DGKI: variants seen among roughly 807,000 people sequenced by gnomAD.
DGKI encodes DAG kinase iota.
Under a neutral mutation model 147.5 loss-of-function variants are expected in DGKI, and 55 were observed. The observed-to-expected ratio is 0.37, with a 90% CI of 0.30 to 0.47. The LOEUF (loss-of-function observed/expected upper bound fraction) is 0.47, where lower values mean the gene tolerates loss of function less well. Ranked by LOEUF, DGKI falls within the 20% of genes least tolerant of loss-of-function variation. The probability of loss-of-function intolerance (pLI) is 1.00; values close to 1 mark genes in which losing one functional copy is unlikely to be tolerated. For missense variants in DGKI, 1,007 were observed against 1,323.8 expected (o/e 0.76, Z 3.71); for synonymous variants, 469 against 477.1 (o/e 0.98, Z 0.22).
intron 2 of DGKI, among the ~76,000 whole-genome samples, chr7:137,685,078 AC>A (rs1427776907): frequency 3.3e-5 from 5 of 152,160 alleles, no homozygotes; most frequent in South Asian, 4.1e-4. Context: ...TTGTCCCTGA[AC>A]CAAACTGTGA....
At chr7:137,586,228 C>A (rs934660486) in intron 13 of DGKI, among the ~76,000 whole-genome samples, 6 of 151,958 alleles carry the variant, frequency 3.9e-5, no homozygotes, top group Non-Finnish European at 8.8e-5. Flanking sequence ...AGTTTGAGAC[C>A]AGCCTGGCCA....
At chr7:137,591,245 A>G (rs1819599038) in intron 12 of DGKI, among the ~76,000 whole-genome samples, 1 of 152,236 alleles carries the variant, frequency 6.6e-6, no homozygotes, top group Non-Finnish European at 1.5e-5. Context: ...AACCGGATAA[A>G]TAGATTCTTT....
chr7:137,829,720 T>G (rs560819275), intron 1 of DGKI, among the ~76,000 whole-genome samples: 67 of 152,290 alleles, frequency 4.4e-4, no homozygotes, highest in African/African-American at 1.3e-3. Context: ...CTGGATAAGA[T>G]AAGTAATTTT....
At chr7:137,743,640 C>A (rs2116718350) in intron 1 of DGKI, among the ~76,000 whole-genome samples, 1 of 152,102 alleles carries the variant, frequency 6.6e-6, no homozygotes, top group South Asian at 2.1e-4. Flanking sequence ...TAGAAAAGTC[C>A]TAAATTAACA....
intron 21 of DGKI, among the ~76,000 whole-genome samples, chr7:137,499,696 C>G (rs2178148): frequency 0.14 from 20,847 of 152,106 alleles, 2,962 homozygotes; most frequent in African/African-American, 0.37. Context: ...AGATATACCA[C>G]CAGCTCCCCT....
intron 20 of DGKI, among the ~76,000 whole-genome samples, chr7:137,533,796 T>C (rs1585205981): frequency 6.6e-6 from 1 of 152,270 alleles, no homozygotes; most frequent in African/African-American, 2.4e-5. Flanking sequence ...ACTTTCATTT[T>C]ATTTTATTTA....
At chr7:137,535,228 T>C (rs1486540650) in intron 20 of DGKI, among the ~76,000 whole-genome samples, 2 of 152,138 alleles carry the variant, frequency 1.3e-5, no homozygotes, top group Non-Finnish European at 2.9e-5. Context: ...TATAAAAAGA[T>C]ATATAATGGA....
At chr7:137,620,958 G>A (rs911546281) in intron 7 of DGKI, among the ~76,000 whole-genome samples, 4 of 152,110 alleles carry the variant, frequency 2.6e-5, no homozygotes, top group African/African-American at 9.7e-5. Context: ...CTGGAACAAT[G>A]TTAAAAGTAA....
At chr7:137,607,890 T>C (rs997147379) in intron 10 of DGKI, among the ~76,000 whole-genome samples, 1 of 152,018 alleles carries the variant, frequency 6.6e-6, no homozygotes, top group Non-Finnish European at 1.5e-5. Context: ...TACACAAATT[T>C]CTTTTCCTTG....
intron 6 of DGKI, among the ~76,000 whole-genome samples, chr7:137,630,361 C>A (rs985956610): frequency 1.3e-5 from 2 of 152,146 alleles, no homozygotes; most frequent in Non-Finnish European, 2.9e-5. Context: ...CAAAGCCAAT[C>A]ACCCCCATCA....
chr7:137,559,158 G>A (rs1490633869), intron 19 of DGKI, among the ~76,000 whole-genome samples: 14 of 119,852 alleles, frequency 1.2e-4, no homozygotes, highest in South Asian at 3.1e-4. Context: ...TGCAAGCTCC[G>A]CCTCCCGGGT....
Position 137,846,450 on chromosome 7 carries a change from C to T in DGKI, c.401+12G>A. 1 of 1,577,054 alleles carries T rather than the reference C, an allele frequency of 6.3e-7. No individual in the cohort carries two copies. The highest frequency in any genetic ancestry group is 2.4e-5 in the East Asian group (1 of 41,802). ...GGCGCACCTGTCTCGGCTGCCGGCT[C>T]CCCGCACCTACCTGTACGAGACCTG... On this transcript the variant is annotated intron_variant, in intron 1 of 32. Transcript: ENST00000614521. The surrounding 1 kb of genome is among the most constrained non-coding windows in gnomAD (Gnocchi z 4.0).
intron 1 of DGKI, among the ~76,000 whole-genome samples, chr7:137,699,175 C>T (rs575936491): frequency 6.6e-6 from 1 of 152,286 alleles, no homozygotes; most frequent in East Asian, 1.9e-4. Flanking sequence ...GGCAAATGTG[C>T]TTGCTTAGGT....
chr7:137,529,859 C>A (rs899277422), intron 20 of DGKI, among the ~76,000 whole-genome samples: 8 of 152,158 alleles, frequency 5.3e-5, no homozygotes, highest in Admixed American at 1.3e-4. Context: ...AAGCAATTGT[C>A]CTGCCTCAGC....
intron 1 of DGKI, among the ~76,000 whole-genome samples, chr7:137,714,899 C>T (rs1213359494): frequency 6.6e-6 from 1 of 152,164 alleles, no homozygotes; most frequent in Non-Finnish European, 1.5e-5. Flanking sequence ...GAAAAGTAAT[C>T]GCTCATTTCT....
At chr7:137,484,859 T>C (rs1026969802) in intron 23 of DGKI, among the ~76,000 whole-genome samples, 1 of 152,048 alleles carries the variant, frequency 6.6e-6, no homozygotes, top group Non-Finnish European at 1.5e-5. Flanking sequence ...GTAGGAAGCA[T>C]GTAATTCTCT....
intron 2 of DGKI, among the ~76,000 whole-genome samples, chr7:137,679,404 GT>G (rs71652786): frequency 0.064 from 8,181 of 127,316 alleles, 604 homozygotes; most frequent in African/African-American, 0.2. Flanking sequence ...GAAGCAAACT[GT>G]TTTTTTTTTT....
intron 1 of DGKI, among the ~76,000 whole-genome samples, chr7:137,732,896 T>G (rs953896104): frequency 6.6e-6 from 1 of 151,824 alleles, no homozygotes; most frequent in Non-Finnish European, 1.5e-5. Flanking sequence ...CCATTCTTTA[T>G]AAAGAAGCCT....
rs1811076691 is a variant in DGKI at position 137,382,204 on chromosome 7, G to C, written c.*9016C>G. ...TGTATGTGTGTGTTTTATAAGTGAA[G>C]AGTAAAGACAATTTGTAAACATATA... On this transcript the variant is annotated 3_prime_UTR_variant, in exon 33 of 33. Coordinates refer to ENST00000614521, the MANE Select transcript of DGKI (RefSeq NM_001321708.2). The C allele has an allele frequency of 6.6e-6, 1 of 152,046 alleles. No homozygotes were observed. Among genetic ancestry groups the C allele is most frequent in the Non-Finnish European group, 1.5e-5 (1 of 67,988 alleles). 9.4% of individuals were successfully genotyped at this position (152,046 alleles called of 1,614,324 possible). A position where few individuals can be genotyped will look rare whatever the true frequency, so the allele number is the denominator to read the frequency against.
Sources: allele counts gnomAD v4.1 joint callset (sites outside exome capture counted in the v4.1 genomes callset), GRCh38; gene constraint gnomAD v4.1.1; non-coding constraint Gnocchi (gnomAD v3.1); transcripts MANE v1.5; gene names NCBI Gene and HGNC (gene_info 2026-07-23, HGNC 2026-07-21).